The following TRPM3 variants were observed in gnomAD, a reference collection of about 807,000 sequenced individuals.
TRPM3 encodes long transient receptor potential channel 3.
Under a neutral mutation model 181.2 loss-of-function variants are expected in TRPM3, and 77 were observed. That is an observed-to-expected ratio of 0.42 (90% CI 0.35 to 0.51). The LOEUF (loss-of-function observed/expected upper bound fraction) is 0.51, where lower values mean the gene tolerates loss of function less well. TRPM3 is among the 20% of genes least tolerant of loss of function. The probability of loss-of-function intolerance (pLI) is 0.01; values close to 1 mark genes in which losing one functional copy is unlikely to be tolerated. For synonymous variants in TRPM3, 745 were observed against 796.4 expected (o/e 0.94, Z 1.09); for missense variants, 1,759 against 2,196.7 (o/e 0.80, Z 3.98).
intron 7 of TRPM3, among the ~76,000 whole-genome samples, chr9:70,769,639 A>C (rs905598392): frequency 3.9e-5 from 6 of 152,150 alleles, no homozygotes; most frequent in African/African-American, 1.4e-4. Flanking sequence ...AATTTAAGAA[A>C]ATTAAAAAAA....
chr9:70,648,048 C>T (rs966147109), intron 9 of TRPM3, among the ~76,000 whole-genome samples: 1 of 152,066 alleles, frequency 6.6e-6, no homozygotes, highest in Admixed American at 6.5e-5. Context: ...TCAGAGACAA[C>T]ATAAACAAAT....
chr9:70,851,631 G>A (rs879895818), intron 3 of TRPM3, among the ~76,000 whole-genome samples: 5 of 152,154 alleles, frequency 3.3e-5, no homozygotes, highest in Non-Finnish European at 5.9e-5. Context: ...ATACAAAGCT[G>A]TGTTCATTAT....
chr9:71,364,747 T>C (rs1259095678), intron 1 of TRPM3, among the ~76,000 whole-genome samples: 1 of 152,182 alleles, frequency 6.6e-6, no homozygotes, highest in African/African-American at 2.4e-5. Flanking sequence ...ATGTCTTCTA[T>C]CATTCTGGGA....
intron 1 of TRPM3, among the ~76,000 whole-genome samples, chr9:71,036,944 T>C (rs1184823822): frequency 2.6e-5 from 4 of 152,130 alleles, no homozygotes; most frequent in Non-Finnish European, 5.9e-5. Flanking sequence ...TACAACATGA[T>C]TGTAGGCATT....
intron 12 of TRPM3, among the ~76,000 whole-genome samples, chr9:70,633,530 T>G (rs1419706495): frequency 1.3e-5 from 2 of 152,144 alleles, no homozygotes; most frequent in Non-Finnish European, 2.9e-5. Context: ...CCCACTCAAG[T>G]AGATGAAAAA....
chr9:70,917,405 A>C, intron 1 of TRPM3: 1 of 846,934 alleles, frequency 1.2e-6, no homozygotes, highest in Non-Finnish European at 2.1e-6. Flanking sequence ...CAGTGGGGAC[A>C]CCACCTCCAC....
chr9:71,072,072 T>C (rs2062837522), intron 1 of TRPM3, among the ~76,000 whole-genome samples: 2 of 152,172 alleles, frequency 1.3e-5, no homozygotes, highest in Non-Finnish European at 2.9e-5. Context: ...GTAAGAGATA[T>C]TTTCAGAGAG....
At chr9:71,158,598 T>G (rs2076118596) in intron 1 of TRPM3, among the ~76,000 whole-genome samples, 1 of 152,158 alleles carries the variant, frequency 6.6e-6, no homozygotes, top group African/African-American at 2.4e-5. Context: ...TTATTTAACC[T>G]TGGTAAGCTT....
chr9:70,640,861 GATT>G (rs1212736271), intron 9 of TRPM3, among the ~76,000 whole-genome samples: 1 of 151,934 alleles, frequency 6.6e-6, no homozygotes, highest in Non-Finnish European at 1.5e-5. Context: ...GTATATTGTA[GATT>G]ATTATTATTA....
chr9:70,857,045 C>T (rs895488894), intron 3 of TRPM3, among the ~76,000 whole-genome samples: 10 of 152,142 alleles, frequency 6.6e-5, no homozygotes, highest in Non-Finnish European at 8.8e-5. Flanking sequence ...CTTCTTGTTG[C>T]TCTGTAAAGG....
intron 1 of TRPM3, among the ~76,000 whole-genome samples, chr9:71,053,098 A>AAAG (rs1266244563): frequency 6.7e-6 from 1 of 148,976 alleles, no homozygotes; most frequent in Non-Finnish European, 1.5e-5. Context: ...TAAGGAAAAA[A>AAAG]AAAAAAAAAA....
chr9:70,536,922 G>A lies in TRPM3; in HGVS notation c.4191C>T (p.Asn1397=), dbSNP rs2041916823. The change falls in exon 26 of 26, where the codon AAC becomes AAT. Residue 1397 remains asparagine (N), a synonymous_variant. Transcript: ENST00000677713. The part of the protein sequence containing the change: ...KEPKAPAAPA[N]TLAIVPDSRR... Reference sequence around the variant, plus strand: ...TGGAATCAGGAACAATGGCCAAGGTGTTGGCAGGGGCTGCAGGAGCTTTGG... The same window carrying A: ...TGGAATCAGGAACAATGGCCAAGGTATTGGCAGGGGCTGCAGGAGCTTTGG... The A allele has an allele frequency of 6.2e-7, 1 of 1,614,248 alleles. No homozygotes were observed. The highest frequency in any genetic ancestry group is 8.5e-7 in the Non-Finnish European group (1 of 1,180,050).
intron 1 of TRPM3, among the ~76,000 whole-genome samples, chr9:71,009,458 G>A (rs1025064037): frequency 6.6e-6 from 1 of 151,936 alleles, no homozygotes; most frequent in Non-Finnish European, 1.5e-5. Flanking sequence ...TGAACTATCT[G>A]AAAAAAGTAA....
At chr9:70,903,394 G>A (rs2096414062) in intron 1 of TRPM3, among the ~76,000 whole-genome samples, 1 of 152,100 alleles carries the variant, frequency 6.6e-6, no homozygotes. Context: ...ATGCCACGTT[G>A]GCGCCCCTAC....
chr9:71,312,089 A>G (rs1006928182), intron 1 of TRPM3, among the ~76,000 whole-genome samples: 4 of 152,154 alleles, frequency 2.6e-5, no homozygotes, highest in Non-Finnish European at 4.4e-5. Context: ...AAAATTTAAA[A>G]CTTCTTCTCT....
At chr9:70,578,931 G>A (rs530554353) in intron 22 of TRPM3, among the ~76,000 whole-genome samples, 1 of 152,282 alleles carries the variant, frequency 6.6e-6, no homozygotes, top group South Asian at 2.1e-4. Flanking sequence ...AGCGCCCCCT[G>A]GGTTGTGACA....
intron 9 of TRPM3, among the ~76,000 whole-genome samples, chr9:70,670,247 C>T (rs576871901): frequency 2.6e-5 from 4 of 152,176 alleles, no homozygotes; most frequent in South Asian, 2.1e-4. Context: ...ACTTTCATGC[C>T]GAAGAAAGTG....
In TRPM3 at chr9:70,958,031, C is replaced by A. The variant is rs372586737; in HGVS notation, c.178-93520G>T. On this transcript the variant is annotated intron_variant, in intron 1 of 25. Transcript: ENST00000677713. ...AGCATGTATGAAATTAGACATGGAA[C>A]CTTGCAACTTTGAGACAGGCACAGA... Among the ~76,000 whole-genome samples, 29 of 152,288 alleles carry A rather than the reference C, an allele frequency of 1.9e-4. 1 individual carries two copies. The South Asian group carries it at 4.4e-3, about 23-fold the overall frequency.
chr9:70,655,644 A>G (rs905265288), intron 9 of TRPM3, among the ~76,000 whole-genome samples: 5 of 152,118 alleles, frequency 3.3e-5, no homozygotes, highest in Admixed American at 2.0e-4. Flanking sequence ...GGTTTCTACA[A>G]TTTTATGTTT....
Sources: allele counts gnomAD v4.1 joint callset (sites outside exome capture counted in the v4.1 genomes callset), GRCh38; gene constraint gnomAD v4.1.1; transcripts MANE v1.5; gene names NCBI Gene and HGNC (gene_info 2026-07-23, HGNC 2026-07-21).